POLN: variants seen among roughly 807,000 people sequenced by gnomAD.
The protein encoded by POLN is DNA polymerase nu.
In POLN, 108 loss-of-function variants were observed where a neutral mutation model predicts 113.5. The ratio of observed to expected loss-of-function variants is 0.95; its 90% CI spans 0.81 to 1.12. The LOEUF is 1.12. Among genes scored for constraint, POLN ranks in the 50% most tolerant of loss-of-function variants. The pLI, the probability that POLN is intolerant of heterozygous loss-of-function variation, is 0.00. For synonymous variants in POLN, 386 were observed against 391.5 expected, an observed-to-expected ratio of 0.99 and a Z score of 0.17; for missense variants, 1,097 against 1,077.1, an observed-to-expected ratio of 1.02 and a Z score of -0.26.
At chr4:2,229,488 G>C (rs945409682) in intron 2 of POLN, 1 of 307,334 alleles carries the variant, frequency 3.3e-6, no homozygotes, top group Admixed American at 5.0e-5. Flanking sequence ...CAATTTAGAA[G>C]CAATCTACTC....
intron 5 of POLN, among the ~76,000 whole-genome samples, chr4:2,202,372 A>T (rs1010599963): frequency 6.6e-6 from 1 of 152,238 alleles, no homozygotes; most frequent in African/African-American, 2.4e-5. Context: ...AAGGGAGACC[A>T]AAAGCAAGCA....
At chr4:2,187,343 A>C (rs1733302876) in intron 7 of POLN, among the ~76,000 whole-genome samples, 1 of 152,116 alleles carries the variant, frequency 6.6e-6, no homozygotes, top group South Asian at 2.1e-4. Context: ...TCTTGGGTTA[A>C]AGTGATTCTC....
At chr4:2,133,159 A>AAAT (rs1553896576) in intron 16 of POLN, among the ~76,000 whole-genome samples, 7 of 151,778 alleles carry the variant, frequency 4.6e-5, no homozygotes, top group South Asian at 2.1e-4. Flanking sequence ...AAAAAAAAAA[A>AAAT]AAAATAACAT....
chr4:2,099,839 A>G (rs1302434113), intron 19 of POLN, among the ~76,000 whole-genome samples: 1 of 152,158 alleles, frequency 6.6e-6, no homozygotes, highest in East Asian at 1.9e-4. Flanking sequence ...TAAAATAAAA[A>G]GTTTATTTAA....
chr4:2,186,665 G>C (rs1040454618), intron 7 of POLN, among the ~76,000 whole-genome samples: 3 of 152,156 alleles, frequency 2.0e-5, no homozygotes, highest in African/African-American at 7.2e-5. Flanking sequence ...ACCAGACAGA[G>C]AAGATTGGAA....
chr4:2,172,899 C>A (rs1307700112), intron 11 of POLN, among the ~76,000 whole-genome samples: 1 of 152,206 alleles, frequency 6.6e-6, no homozygotes. Context: ...TGGAAACAAC[C>A]ACACGCCTAT....
At position 2,085,735 on chromosome 4, in the gene POLN, C is replaced by T. The variant is rs371111034; in HGVS notation, c.2075G>A (p.Arg692Gln). ...YAVVYGAGKE[R>Q]LAACLGVPIQ... Reference sequence around the variant, plus strand: ...AGGAACTCCAAGGCAAGCAGCCAGCCGCTCCTTCCCTGTCAGTCAGAGAGA... The same window carrying T: ...AGGAACTCCAAGGCAAGCAGCCAGCTGCTCCTTCCCTGTCAGTCAGAGAGA... The change falls in exon 21 of 26, where the codon CGG becomes CAG. Residue 692 changes from arginine to glutamine, a missense_variant. Physicochemically the swap from Arg to Gln is conservative, Grantham distance 43. Coordinates refer to ENST00000511885, the MANE Select transcript of POLN (RefSeq NM_181808.4). The T allele has an allele frequency of 1.4e-4, 227 of 1,613,686 alleles. No individual in the cohort carries two copies. The highest frequency in any genetic ancestry group is 1.8e-4 in the Non-Finnish European group (210 of 1,180,038).
Position 2,147,643 on chromosome 4 carries a change from C to CTTTTTTTTTTTTTT in POLN, c.1731+9131_1731+9144dup, listed in dbSNP as rs747184067. 1.3e-3 allele frequency among the ~76,000 whole-genome samples: 105 copies of CTTTTTTTTTTTTTT among 79,336 alleles called. 6 individuals are homozygous for CTTTTTTTTTTTTTT. Among genetic ancestry groups the CTTTTTTTTTTTTTT allele is most frequent in the Non-Finnish European group, 1.6e-3 (64 of 39,044 alleles). The allele number at this position is 79,336 out of a possible 152,430, so 52.0% of individuals were successfully genotyped here. ...AGATCAGACATCCAGTTTTTCTTTT[C>CTTTTTTTTTTTTTT]TTTTTTTTTTTTTTTTGAGACAAAG... On this transcript the variant is annotated intron_variant, in intron 16 of 25. Coordinates refer to ENST00000511885, the MANE Select transcript of POLN (RefSeq NM_181808.4).
chr4:2,235,382 G>A, intron 2 of POLN, among the ~76,000 whole-genome samples: 1 of 152,204 alleles, frequency 6.6e-6, no homozygotes, highest in East Asian at 1.9e-4. Context: ...AATAACAAGT[G>A]TTGGCAAAGA....
chr4:2,146,627 C>T (rs1217157614), intron 16 of POLN, among the ~76,000 whole-genome samples: 1 of 151,268 alleles, frequency 6.6e-6, no homozygotes, highest in Non-Finnish European at 1.5e-5. Flanking sequence ...TCACTGAGCT[C>T]TGGTGTGGGG....
At chr4:2,124,040 T>C (rs1455838866) in intron 19 of POLN, among the ~76,000 whole-genome samples, 1 of 152,210 alleles carries the variant, frequency 6.6e-6, no homozygotes, top group Admixed American at 6.5e-5. Flanking sequence ...TGTTAGCTCC[T>C]ACAGCATGGA....
intron 16 of POLN, chr4:2,156,375 CTT>C (rs34241266): frequency 0.11 from 40,260 of 366,746 alleles, 2 homozygotes; most frequent in South Asian, 0.16. Context: ...GAATTTAGAG[CTT>C]TTTTTTTTTT....
intron 25 of POLN, 136 bp from the exon 26 acceptor site, chr4:2,072,435 A>G: frequency 1.4e-6 from 1 of 733,710 alleles, no homozygotes; most frequent in Non-Finnish European, 2.2e-6. Flanking sequence ...AGCCACACGC[A>G]CACATGTGCA....
chr4:2,235,721 T>C (rs953073832), intron 2 of POLN, among the ~76,000 whole-genome samples: 10 of 152,138 alleles, frequency 6.6e-5, no homozygotes, highest in African/African-American at 1.9e-4. Context: ...TTCAACGACA[T>C]ATAAAACTAA....
chr4:2,213,435 C>A (rs998996941), intron 3 of POLN, among the ~76,000 whole-genome samples: 3 of 152,076 alleles, frequency 2.0e-5, no homozygotes, highest in Non-Finnish European at 4.4e-5. Context: ...TTTATAGAAA[C>A]CTTAAAAGGA....
chr4:2,220,219 T>G (rs1244272885), intron 3 of POLN, among the ~76,000 whole-genome samples: 2 of 152,290 alleles, frequency 1.3e-5, no homozygotes, highest in African/African-American at 2.4e-5. Flanking sequence ...AGAGGGACGC[T>G]GTCAGAGATG....
chr4:2,161,160 A>G (rs962697472), intron 13 of POLN, among the ~76,000 whole-genome samples: 2 of 152,028 alleles, frequency 1.3e-5, no homozygotes, highest in African/African-American at 4.8e-5. Flanking sequence ...CTGGGCTCCC[A>G]CTTTGGCGGC....
chr4:2,223,313 G>A (rs1170654607), intron 3 of POLN, among the ~76,000 whole-genome samples: 1 of 152,174 alleles, frequency 6.6e-6, no homozygotes, highest in Non-Finnish European at 1.5e-5. Context: ...CACACAGCAG[G>A]AGGAGAGCAG....
chr4:2,156,107 C>T (rs1033063250), intron 16 of POLN, among the ~76,000 whole-genome samples: 1 of 152,184 alleles, frequency 6.6e-6, no homozygotes, highest in Non-Finnish European at 1.5e-5. Context: ...GCTGGGATTA[C>T]AGGCATGAGC....
Sources: allele counts gnomAD v4.1 joint callset (sites outside exome capture counted in the v4.1 genomes callset), GRCh38; gene constraint gnomAD v4.1.1; transcripts MANE v1.5; gene names NCBI Gene and HGNC (gene_info 2026-07-23, HGNC 2026-07-21).